The following DLG2 variants were observed in gnomAD, a reference collection of about 807,000 sequenced individuals.
DLG2 encodes the protein disks large homolog 2.
DLG2 carries 45 observed loss-of-function variants against 132.5 expected under a neutral mutation model. The observed-to-expected ratio is 0.34, with a 90% confidence interval of 0.27 to 0.44. DLG2 has a LOEUF of 0.44. Ranked by LOEUF, DLG2 falls within the 20% of genes least tolerant of loss-of-function variation. The pLI, the probability that DLG2 is intolerant of heterozygous loss-of-function variation, is 1.00. For missense variants in DLG2, 1,045 were observed against 1,196.9 expected (o/e 0.87, Z 1.87); for synonymous variants, 424 against 419.6 (o/e 1.01, Z -0.13).
At chr11:85,024,165 T>C (rs1276185983) in intron 6 of DLG2, among the ~76,000 whole-genome samples, 2 of 152,154 alleles carry the variant, frequency 1.3e-5, no homozygotes, top group African/African-American at 2.4e-5. Context: ...AAATATAATA[T>C]ATGAGACAGT....
At chr11:84,261,578 A>C (rs543486683) in intron 7 of DLG2, among the ~76,000 whole-genome samples, 1 of 152,312 alleles carries the variant, frequency 6.6e-6, no homozygotes, top group East Asian at 1.9e-4. Flanking sequence ...AAACCCTGAC[A>C]TTCTGAATGA....
intron 10 of DLG2, among the ~76,000 whole-genome samples, chr11:84,072,939 A>G (rs2096778153): frequency 6.6e-6 from 1 of 152,226 alleles, no homozygotes; most frequent in African/African-American, 2.4e-5. Context: ...AGAATCTAAT[A>G]GATGTGCTGA....
intron 17 of DLG2, chr11:83,790,274 T>C (rs1230101976): frequency 2.2e-6 from 2 of 925,236 alleles, no homozygotes; most frequent in African/African-American, 3.3e-5. Context: ...ACCATTTGAG[T>C]GCCCAAGTCT....
chr11:84,635,439 G>A (rs1391698501), intron 6 of DLG2, among the ~76,000 whole-genome samples: 2 of 151,950 alleles, frequency 1.3e-5, no homozygotes, highest in South Asian at 2.1e-4. Context: ...AGGCGTGCAC[G>A]GAAAGCTAAA....
intron 3 of DLG2, among the ~76,000 whole-genome samples, chr11:85,431,843 T>A (rs775501951): frequency 4.6e-5 from 7 of 152,170 alleles, no homozygotes; most frequent in Non-Finnish European, 1.0e-4. Flanking sequence ...AGGTCCTGCT[T>A]CCTATGCCAT....
chr11:85,049,546 A>G (rs1443639356), intron 6 of DLG2, among the ~76,000 whole-genome samples: 3 of 152,086 alleles, frequency 2.0e-5, no homozygotes, highest in Non-Finnish European at 4.4e-5. Flanking sequence ...TACACACTAG[A>G]TGCCAGTAAT....
chr11:84,897,598 A>C (rs11605352), intron 6 of DLG2, among the ~76,000 whole-genome samples: 23,802 of 151,826 alleles, frequency 0.16, 2,373 homozygotes, highest in African/African-American at 0.27. Flanking sequence ...AGTGAACAGC[A>C]TTCTACTGAA....
At chr11:83,804,291 C>T (rs1183243905) in intron 17 of DLG2, among the ~76,000 whole-genome samples, 1 of 152,026 alleles carries the variant, frequency 6.6e-6, no homozygotes, top group Non-Finnish European at 1.5e-5. Context: ...CTTGTATTCA[C>T]CACTATGAAT....
chr11:84,844,755 C>A (rs1312035544), intron 6 of DLG2, among the ~76,000 whole-genome samples: 1 of 152,018 alleles, frequency 6.6e-6, no homozygotes, highest in Non-Finnish European at 1.5e-5. Flanking sequence ...TTGCATGTTA[C>A]GTGTATGACA....
At chr11:84,214,330 T>C (rs957144024) in intron 8 of DLG2, among the ~76,000 whole-genome samples, 1 of 149,068 alleles carries the variant, frequency 6.7e-6, no homozygotes, top group African/African-American at 2.5e-5. Context: ...TATATATGTT[T>C]TTATGTGTAC....
At chr11:84,873,218 G>T (rs1455741410) in intron 6 of DLG2, among the ~76,000 whole-genome samples, 1 of 152,158 alleles carries the variant, frequency 6.6e-6, no homozygotes, top group African/African-American at 2.4e-5. Context: ...GAGAGAGTCA[G>T]AGTTAGAAAA....
chr11:84,401,215 T>C (rs2098828241), intron 7 of DLG2, among the ~76,000 whole-genome samples: 1 of 152,158 alleles, frequency 6.6e-6, no homozygotes, highest in Admixed American at 6.6e-5. Flanking sequence ...AGAAGATGCA[T>C]AGTATATTAA....
rs151137228 is a variant in DLG2 at position 84,442,091 on chromosome 11, G to A, written c.519+92479C>T. On this transcript the variant is annotated intron_variant, in intron 7 of 27. Transcript: ENST00000376104. ...TGTTCTTTTTGGCTGGGATTTTCTC[G>A]GCTATACAGGCTCTTTTTTCATTCT... 2.7e-3 allele frequency among the ~76,000 whole-genome samples: 412 copies of A among 152,140 alleles called. 4 individuals carry two copies. The highest frequency in any genetic ancestry group is 9.7e-3 in the African/African-American group (403 of 41,516).
rs546631592 is a variant in DLG2, at chr11:84,410,741, G to A, written c.519+123829C>T. ...ATTACAGGTGCCCACCACCATGCCC[G>A]GCTAATTTTTGTATTTTTAGTAGAG... On this transcript the variant is annotated intron_variant, in intron 7 of 27. Coordinates refer to ENST00000376104, the MANE Select transcript of DLG2 (RefSeq NM_001142699.3). 1.9e-4 allele frequency among the ~76,000 whole-genome samples: 29 copies of A among 151,620 alleles called. No homozygotes were observed. The East Asian group carries it at 2.0e-3, about 10-fold the overall frequency.
intron 6 of DLG2, among the ~76,000 whole-genome samples, chr11:84,608,869 A>G (rs1249473921): frequency 6.6e-6 from 1 of 152,212 alleles, no homozygotes; most frequent in East Asian, 1.9e-4. Context: ...TATTCCCATA[A>G]TAATCTTATG....
chr11:83,997,051 T>C (rs1244164643), intron 11 of DLG2, among the ~76,000 whole-genome samples: 1 of 151,898 alleles, frequency 6.6e-6, no homozygotes, highest in African/African-American at 2.4e-5. Flanking sequence ...TCGCGTGACA[T>C]GCCTGTATCA....
chr11:84,837,761 G>A (rs368892629), intron 6 of DLG2, among the ~76,000 whole-genome samples: 56 of 151,980 alleles, frequency 3.7e-4, no homozygotes, highest in African/African-American at 1.3e-3. Context: ...GCCTTGATAA[G>A]TGGAATAATA....
At chr11:83,678,744 G>C (rs1204806000) in intron 18 of DLG2, among the ~76,000 whole-genome samples, 1 of 152,196 alleles carries the variant, frequency 6.6e-6, no homozygotes, top group Non-Finnish European at 1.5e-5. Context: ...TAAAGCCACA[G>C]ATATGGGGAA....
At chr11:85,132,451 A>C (rs537817332) in intron 5 of DLG2, among the ~76,000 whole-genome samples, 1 of 152,268 alleles carries the variant, frequency 6.6e-6, no homozygotes, top group African/African-American at 2.4e-5. Flanking sequence ...TATGTGCTAC[A>C]CTACTACTAT....
Sources: allele counts gnomAD v4.1 joint callset (sites outside exome capture counted in the v4.1 genomes callset), GRCh38; gene constraint gnomAD v4.1.1; transcripts MANE v1.5; gene names NCBI Gene and HGNC (gene_info 2026-07-23, HGNC 2026-07-21).